The following GRK3 variants were observed in gnomAD, a reference collection of about 807,000 sequenced individuals.
GRK3 encodes adrenergic, beta, receptor kinase 2.
Under a neutral mutation model 95.7 loss-of-function variants are expected in GRK3, and 54 were observed. That is an observed-to-expected ratio of 0.56 (90% CI 0.45 to 0.71). The LOEUF (loss-of-function observed/expected upper bound fraction) is 0.71, where lower values mean the gene tolerates loss of function less well. Among genes scored for constraint, GRK3 ranks in the 30% least tolerant of loss-of-function variants. The probability of loss-of-function intolerance (pLI) is 0.00; values close to 1 mark genes in which losing one functional copy is unlikely to be tolerated. For missense variants in GRK3, 649 were observed against 851.2 expected (o/e 0.76, Z 2.96); for synonymous variants, 281 against 290.8 (o/e 0.97, Z 0.34).
intron 9 of GRK3, among the ~76,000 whole-genome samples, chr22:25,684,049 G>A (rs1378488915): frequency 2.6e-5 from 4 of 152,154 alleles, no homozygotes; most frequent in Non-Finnish European, 5.9e-5. Flanking sequence ...TGTGAGGCAG[G>A]GGTCAAGGTT....
chr22:25,721,761 C>T (rs113931499), intron 20 of GRK3, among the ~76,000 whole-genome samples: 5 of 152,202 alleles, frequency 3.3e-5, no homozygotes, highest in African/African-American at 7.2e-5. Context: ...CTTCTCTAAA[C>T]GAAAATGCCA....
intron 5 of GRK3, among the ~76,000 whole-genome samples, chr22:25,665,996 C>T (rs904377805): frequency 2.0e-5 from 3 of 152,176 alleles, no homozygotes; most frequent in African/African-American, 4.8e-5. Context: ...ACCGAATTCT[C>T]ACGACAGCCT....
chr22:25,627,713 C>T (rs1049203076), intron 2 of GRK3, among the ~76,000 whole-genome samples: 2 of 152,188 alleles, frequency 1.3e-5, no homozygotes, highest in Non-Finnish European at 2.9e-5. Flanking sequence ...ACAGCCTAGT[C>T]AGGGAGACAA....
rs2085367131 is a variant in GRK3, at chr22:25,714,394, C to T, written c.1492-14C>T. The T allele has an allele frequency of 6.3e-7, 1 of 1,592,530 alleles. No homozygotes were observed. Among genetic ancestry groups the T allele is most frequent in the South Asian group, 1.2e-5 (1 of 86,286 alleles). ...TGTTAAATCATAAATATCTTGATTT[C>T]TTAAAATAATCAGCTACTTGATTGC... On this transcript the variant is annotated splice_polypyrimidine_tract_variant and intron_variant, in intron 17 of 20. Transcript: ENST00000324198.
chr22:25,621,700 CTA>C (rs2146358260), intron 2 of GRK3, among the ~76,000 whole-genome samples: 1 of 152,312 alleles, frequency 6.6e-6, no homozygotes, highest in South Asian at 2.1e-4. Flanking sequence ...TGATGAAACT[CTA>C]TTCCACAAGG....
At chr22:25,576,544 A>T (rs1233794586) in intron 1 of GRK3, among the ~76,000 whole-genome samples, 1 of 152,062 alleles carries the variant, frequency 6.6e-6, no homozygotes, top group Non-Finnish European at 1.5e-5. Flanking sequence ...TTTTTTCTTT[A>T]TTTAGAGATT....
At position 25,693,201 on chromosome 22, in the gene GRK3, GT is replaced by G. The variant is rs1194855532; in HGVS notation, c.1053-1905del. ...TGTCACAGTGTCTTAAAACGTCCAA[GT>G]GTTCGTTCAGTATTAATAGTAGTAC... On this transcript the variant is annotated intron_variant, in intron 12 of 20. Transcript: ENST00000324198. Among the ~76,000 whole-genome samples the G allele has an allele frequency of 5.3e-5, 8 of 152,148 alleles. No homozygotes were observed. The East Asian group carries it at 1.5e-3, about 29-fold the overall frequency.
chr22:25,661,046 A>G (rs1220897203), intron 3 of GRK3, among the ~76,000 whole-genome samples: 2 of 152,250 alleles, frequency 1.3e-5, no homozygotes, highest in Non-Finnish European at 2.9e-5. Context: ...TGAAAAGCCA[A>G]TGCTTTCATC....
At chr22:25,607,535 G>T (rs1213405801) in intron 2 of GRK3, among the ~76,000 whole-genome samples, 1 of 151,814 alleles carries the variant, frequency 6.6e-6, no homozygotes, top group East Asian at 1.9e-4. Flanking sequence ...TCCACGTTCT[G>T]GGCTTTTCTG....
chr22:25,627,287 G>C (rs1041348369), intron 2 of GRK3, among the ~76,000 whole-genome samples: 1 of 152,154 alleles, frequency 6.6e-6, no homozygotes, highest in African/African-American at 2.4e-5. Flanking sequence ...GCAAGCAGAG[G>C]ATTATATAAC....
rs113227399 is a variant in GRK3, at chr22:25,575,917, T to C, written c.113+10764T>C. Among the ~76,000 whole-genome samples the C allele has an allele frequency of 2.0e-3, 301 of 152,320 alleles. 1 individual carries two copies. The highest frequency in any genetic ancestry group is 6.8e-3 in the African/African-American group (284 of 41,576). On this transcript the variant is annotated intron_variant, in intron 1 of 20. Transcript: ENST00000324198. ...ATTATGTCACTGTACTAAGCATCTG[T>C]CTCTTATTGTGAAACTCACATAATC...
At chr22:25,691,091 A>G (rs2085161586) in intron 12 of GRK3, among the ~76,000 whole-genome samples, 1 of 152,190 alleles carries the variant, frequency 6.6e-6, no homozygotes, top group African/African-American at 2.4e-5. Flanking sequence ...GGCTCTGCAG[A>G]AACACCATGG....
rs190965150 is a variant in GRK3 at position 25,701,157 on chromosome 22, G to C, written c.1161-2353G>C. On this transcript the variant is annotated intron_variant, in intron 13 of 20. Transcript: ENST00000324198. The stretch of plus-strand genomic sequence containing the variant: ...CCTGATGCAGCCAGCATGTTGCATG[G>C]GAAGAGCTTGGCCGTGCCTTGTAAG... 2.6e-4 allele frequency among the ~76,000 whole-genome samples: 39 copies of C among 152,314 alleles called. No individual in the cohort carries two copies. In the East Asian group the frequency reaches 4.8e-3, roughly 19 times the overall value.
chr22:25,630,404 A>G (rs560242534), intron 2 of GRK3, among the ~76,000 whole-genome samples: 2 of 152,328 alleles, frequency 1.3e-5, no homozygotes, highest in South Asian at 4.1e-4. Context: ...CTCTTATTTT[A>G]ACTGTCAGTT....
intron 12 of GRK3, among the ~76,000 whole-genome samples, chr22:25,694,681 G>C (rs1439812966): frequency 6.6e-6 from 1 of 152,158 alleles, no homozygotes; most frequent in Non-Finnish European, 1.5e-5. Flanking sequence ...CACCACACAG[G>C]GGTGGACGTC....
intron 2 of GRK3, among the ~76,000 whole-genome samples, chr22:25,614,159 A>G (rs2331091): frequency 6.6e-6 from 1 of 152,026 alleles, no homozygotes; most frequent in African/African-American, 2.4e-5. Context: ...GACGGGTCTC[A>G]TTCTGTGGCC....
intron 3 of GRK3, among the ~76,000 whole-genome samples, chr22:25,658,702 G>A (rs1003486728): frequency 1.4e-4 from 22 of 152,194 alleles, no homozygotes; most frequent in African/African-American, 5.1e-4. Context: ...CTGAGTTTGT[G>A]TTATATTTTG....
chr22:25,610,477 T>C (rs2084488347), intron 2 of GRK3, among the ~76,000 whole-genome samples: 1 of 152,100 alleles, frequency 6.6e-6, no homozygotes, highest in Non-Finnish European at 1.5e-5. Flanking sequence ...AAAAAACAAC[T>C]CTCAAAATGC....
intron 2 of GRK3, among the ~76,000 whole-genome samples, chr22:25,626,086 G>A (rs2084625908): frequency 1.3e-5 from 2 of 151,982 alleles, no homozygotes; most frequent in African/African-American, 2.4e-5. Context: ...CTCTCTCGTC[G>A]CCGCACATGG....
Sources: allele counts gnomAD v4.1 joint callset (sites outside exome capture counted in the v4.1 genomes callset), GRCh38; gene constraint gnomAD v4.1.1; transcripts MANE v1.5; gene names NCBI Gene and HGNC (gene_info 2026-07-23, HGNC 2026-07-21).